The following HPGDS variants were observed in gnomAD, a reference collection of about 807,000 sequenced individuals.
The protein encoded by HPGDS is hematopoietic prostaglandin D synthase, also known as GST class-sigma.
In HPGDS, 26 loss-of-function variants were observed where a neutral mutation model predicts 23.1. The ratio of observed to expected loss-of-function variants is 1.13; its 90% CI spans 0.83 to 1.56. The LOEUF (loss-of-function observed/expected upper bound fraction) is 1.56. Ranked by LOEUF, HPGDS falls within the 40% of genes most tolerant of loss-of-function variation. The pLI, the probability that HPGDS is intolerant of heterozygous loss-of-function variation, is 0.00. For synonymous variants in HPGDS, 95 were observed against 77.9 expected (o/e 1.22, Z -1.16); for missense variants, 268 against 236.4 (o/e 1.13, Z -0.88).
intron 1 of HPGDS, among the ~76,000 whole-genome samples, chr4:94,341,766 G>T (rs1721179054): frequency 6.6e-6 from 1 of 152,136 alleles, no homozygotes; most frequent in Non-Finnish European, 1.5e-5. Context: ...AACTTGCCCA[G>T]TAATAAACTT....
At chr4:94,301,257 C>T (rs1337765555) in intron 5 of HPGDS, among the ~76,000 whole-genome samples, 1 of 152,188 alleles carries the variant, frequency 6.6e-6, no homozygotes, top group Non-Finnish European at 1.5e-5. Context: ...AGACCTCCAC[C>T]TACCACAACT....
chr4:94,307,971 T>A (rs1260186620), intron 4 of HPGDS, among the ~76,000 whole-genome samples: 1 of 152,128 alleles, frequency 6.6e-6, no homozygotes, highest in Non-Finnish European at 1.5e-5. Flanking sequence ...AGAAAAATTG[T>A]TATTTCAGGT....
intron 2 of HPGDS, among the ~76,000 whole-genome samples, chr4:94,326,923 T>C (rs1208155463): frequency 1.3e-5 from 2 of 152,144 alleles, no homozygotes; most frequent in Non-Finnish European, 2.9e-5. Flanking sequence ...TAGCTTTGAT[T>C]CTAAGTAGGT....
intron 4 of HPGDS, among the ~76,000 whole-genome samples, 188 bp from the exon 5 acceptor site, chr4:94,302,432 C>T (rs1756062049): frequency 6.6e-6 from 1 of 151,994 alleles, no homozygotes; most frequent in Non-Finnish European, 1.5e-5. Context: ...TGAGTCATCT[C>T]TTTATTGCTC....
intron 1 of HPGDS, among the ~76,000 whole-genome samples, chr4:94,340,382 A>C: frequency 9.7e-6 from 1 of 103,286 alleles, no homozygotes; most frequent in African/African-American, 3.7e-5. Context: ...TCTGTCGCCC[A>C]GGCTGGAGTG....
chr4:94,309,882 G>A (rs1756224915), intron 3 of HPGDS, among the ~76,000 whole-genome samples: 1 of 152,168 alleles, frequency 6.6e-6, no homozygotes, highest in Non-Finnish European at 1.5e-5. Context: ...GATGGCCAGT[G>A]ATGACGAGCA....
chr4:94,302,048 C>A, intron 5 of HPGDS, 98 bp downstream of exon 5: 1 of 630,756 alleles, frequency 1.6e-6, no homozygotes, highest in Non-Finnish European at 2.7e-6. Context: ...TAAATTCTAT[C>A]CCCTCCCTAT....
At chr4:94,340,305 CTTTCTCTTTT>C (rs1721120623) in intron 1 of HPGDS, among the ~76,000 whole-genome samples, 6 of 26,228 alleles carry the variant, frequency 2.3e-4, no homozygotes, top group African/African-American at 5.8e-4. Flanking sequence ...TTCTTTCTTT[CTTTCTCTTTT>C]TTTTTTTTTT....
intron 1 of HPGDS, among the ~76,000 whole-genome samples, chr4:94,340,120 T>A (rs1384820958): frequency 6.6e-6 from 1 of 151,514 alleles, no homozygotes; most frequent in Non-Finnish European, 1.5e-5. Context: ...TACAGCTAAT[T>A]TTTGTATTTT....
chr4:94,321,460 C>G (rs1277458751), intron 2 of HPGDS, among the ~76,000 whole-genome samples: 1 of 152,134 alleles, frequency 6.6e-6, no homozygotes, highest in Non-Finnish European at 1.5e-5. Flanking sequence ...TTGTAGTTCT[C>G]CTTGAAGAGG....
intron 3 of HPGDS, among the ~76,000 whole-genome samples, chr4:94,310,142 C>A (rs1439851623): frequency 1.3e-5 from 2 of 152,074 alleles, no homozygotes; most frequent in African/African-American, 4.8e-5. Flanking sequence ...TAATTAGATC[C>A]CATTTGTCAA....
At chr4:94,305,594 A>G (rs750543919) in intron 4 of HPGDS, among the ~76,000 whole-genome samples, 1 of 152,112 alleles carries the variant, frequency 6.6e-6, no homozygotes, top group Admixed American at 6.6e-5. Flanking sequence ...TAGCTTTAAC[A>G]TGTACATAAA....
intron 1 of HPGDS, among the ~76,000 whole-genome samples, chr4:94,337,081 C>T (rs1721036786): frequency 6.6e-6 from 1 of 152,142 alleles, no homozygotes. Flanking sequence ...TCTCCTGCCT[C>T]AGCCTCCTGA....
At chr4:94,305,465 G>T (rs927914165) in intron 4 of HPGDS, among the ~76,000 whole-genome samples, 2 of 152,140 alleles carry the variant, frequency 1.3e-5, no homozygotes, top group East Asian at 3.9e-4. Context: ...CAAATCAGAA[G>T]GTGCTAATTA....
At chr4:94,324,452 C>A (rs1358457728) in intron 2 of HPGDS, among the ~76,000 whole-genome samples, 1 of 152,070 alleles carries the variant, frequency 6.6e-6, no homozygotes, top group Admixed American at 6.6e-5. Flanking sequence ...AGACTTTGTT[C>A]ATTTCTTTTT....
At chr4:94,302,108 T>C (rs983669199) in intron 5 of HPGDS, 38 bp downstream of exon 5, 25 of 1,471,088 alleles carry the variant, frequency 1.7e-5, no homozygotes, top group Non-Finnish European at 2.4e-5. Flanking sequence ...TTTGTCCTTT[T>C]ATTTGCTTGA....
intron 2 of HPGDS, among the ~76,000 whole-genome samples, chr4:94,325,954 G>T (rs920897870): frequency 6.6e-6 from 1 of 151,508 alleles, no homozygotes; most frequent in Non-Finnish European, 1.5e-5. Flanking sequence ...TAGCTTTGCT[G>T]GTTATAGTAT....
rs1380011347 is a variant in HPGDS, at chr4:94,308,827, T to C, written c.227-84A>G. 4.5e-6 allele frequency: 3 copies of C among 664,948 alleles called. No homozygotes were observed. In the African/African-American group the frequency reaches 5.6e-5, roughly 12 times the overall value. 41.2% of individuals were successfully genotyped at this position (664,948 alleles called of 1,614,324 possible). ...TTTAACAGATAGTATACTCATATGG[T>C]TGAAAATTCAAAGAGTGTAAAACAA... On this transcript the variant is annotated intron_variant, in intron 3 of 5. Coordinates refer to ENST00000295256, the MANE Select transcript of HPGDS (RefSeq NM_014485.3).
At position 94,341,145 on chromosome 4, in the gene HPGDS, T is replaced by C. The variant is rs1721163467; in HGVS notation, c.-10+1650A>G. 2.6e-5 allele frequency among the ~76,000 whole-genome samples: 4 copies of C among 152,236 alleles called. No homozygotes were observed. In the South Asian group the frequency reaches 8.3e-4, roughly 32 times the overall value. ...GCCACCTCGCCCGGCCAAACTTTTT[T>C]TTCTTTATAAATTACCCAGTCTCAG... On this transcript the variant is annotated intron_variant, in intron 1 of 5. Coordinates refer to ENST00000295256, the MANE Select transcript of HPGDS (RefSeq NM_014485.3).
Sources: gnomAD v4.1 joint callset for allele counts (sites outside exome capture counted in the v4.1 genomes callset) on GRCh38, gnomAD v4.1.1 for gene constraint, MANE v1.5 for transcripts, NCBI Gene and HGNC (gene_info 2026-07-23, HGNC 2026-07-21) for gene names.